Variants in PROC observed in about 807,000 individuals in gnomAD.
PROC encodes the protein vitamin K-dependent protein C.
A neutral mutation model predicts 36.3 loss-of-function variants in PROC; 22 were observed. That is an observed-to-expected ratio of 0.61 (90% CI 0.43 to 0.86). The LOEUF is 0.86. Among genes scored for constraint, PROC ranks in the 40% least tolerant of loss-of-function variants. The probability of loss-of-function intolerance (pLI) is 0.00; values close to 1 mark genes in which losing one functional copy is unlikely to be tolerated. For synonymous variants in PROC, 218 were observed against 244.5 expected (o/e 0.89, Z 1.01); for missense variants, 526 against 629.7 (o/e 0.84, Z 1.76).
rs959910106 is a variant in PROC at position 127,423,427 on chromosome 2, A to G, written c.535+19A>G. ...CCCGCAGGTGAGAAGCCCCCAATAC[A>G]TCGCCCAGGAATCACGCTGGGTGCA... On this transcript the variant is annotated intron_variant, in intron 6 of 8. Coordinates refer to ENST00000234071, the MANE Select transcript of PROC (RefSeq NM_000312.4). The G allele has an allele frequency of 1.3e-6, 2 of 1,545,168 alleles. No individual in the cohort carries two copies. Among genetic ancestry groups the G allele is most frequent in the African/African-American group, 2.8e-5 (2 of 72,594 alleles).
At chr2:127,428,286 T>C in intron 8 of PROC, 71 bp from the exon 9 acceptor site, 1 of 1,444,880 alleles carries the variant, frequency 6.9e-7, no homozygotes, top group South Asian at 1.2e-5. Context: ...CAGCAGTGGG[T>C]GGGCCTCAGG....
Position 127,426,122 on chromosome 2 carries a change from G to A in PROC, c.573G>A (p.Glu191=), listed in dbSNP as rs1330301579. The A allele has an allele frequency of 6.2e-7, 1 of 1,613,502 alleles. No individual in the cohort carries two copies. The highest frequency in any genetic ancestry group is 1.7e-5 in the Admixed American group (1 of 60,024). ...FPCGRPWKRM[E]KKRSHLKRDT... is the part of the protein sequence containing the mutation. ...GTGGGAGGCCCTGGAAGCGGATGGA[G>A]AAGAAGCGCAGTCACCTGAAACGAG... Residue 191 remains glutamate (E), a synonymous_variant, in exon 7 of 9, where the codon GAG becomes GAA. Coordinates refer to ENST00000234071, the MANE Select transcript of PROC (RefSeq NM_000312.4). This position sits in a 1 kb window ranked among gnomAD's most constrained non-coding sequence, Gnocchi z 7.0.
intron 3 of PROC, 35 bp downstream of exon 3, chr2:127,421,484 G>T (rs1306874625): frequency 6.2e-7 from 1 of 1,612,148 alleles, no homozygotes; most frequent in South Asian, 1.1e-5. Flanking sequence ...ATGAGGCTCA[G>T]GGGCGAGCTG....
At chr2:127,422,963 G>C in intron 4 of PROC, 22 bp downstream of exon 4, 1 of 1,608,548 alleles carries the variant, frequency 6.2e-7, no homozygotes, top group Non-Finnish European at 8.5e-7. Flanking sequence ...CTAGATCCCC[G>C]GCTGGACTAC....
intron 6 of PROC, among the ~76,000 whole-genome samples, chr2:127,424,107 A>G (rs1688320874): frequency 6.7e-6 from 1 of 148,324 alleles, no homozygotes; most frequent in African/African-American, 2.5e-5. Context: ...CTCTTTCTGG[A>G]CCTCCCATTA....
chr2:127,424,033 T>C lies in PROC; in HGVS notation c.535+625T>C, dbSNP rs542431365. ...CCCTTTTAATGTGGAAATTCCTATC[T>C]TCTGCCTCTAGGGACATTTATCACT... On this transcript the variant is annotated intron_variant, in intron 6 of 8. Transcript: ENST00000234071. Among the ~76,000 whole-genome samples the C allele has an allele frequency of 3.3e-5, 5 of 152,276 alleles. No homozygotes were observed. The East Asian group carries it at 9.7e-4, about 29-fold the overall frequency.
intron 6 of PROC, 155 bp downstream of exon 6, chr2:127,423,563 C>A: frequency 1.0e-6 from 1 of 988,652 alleles, no homozygotes. Flanking sequence ...CGCCCCAACA[C>A]CGGGGCCACT....
At chr2:127,420,374 C>T (rs1276758891) in intron 2 of PROC, among the ~76,000 whole-genome samples, 2 of 152,184 alleles carry the variant, frequency 1.3e-5, no homozygotes, top group East Asian at 1.9e-4. Flanking sequence ...ACAGCCTCCC[C>T]TACTCAAATG....
intron 3 of PROC, 63 bp downstream of exon 3, chr2:127,421,512 C>T (rs866229735): frequency 1.9e-6 from 3 of 1,590,154 alleles, no homozygotes; most frequent in African/African-American, 2.7e-5. Flanking sequence ...GCAGGGGCCT[C>T]GAGGAGCAGG....
In PROC at chr2:127,427,046, CCTGGA is replaced by C. The variant is rs773737231; in HGVS notation, c.679-53_679-49del. The C allele has an allele frequency of 2.1e-3, 3,002 of 1,456,674 alleles. 6 individuals carry two copies. Among genetic ancestry groups the C allele is most frequent in the Non-Finnish European group, 2.2e-3 (2,234 of 1,037,646 alleles). 90.2% of individuals were successfully genotyped at this position (1,456,674 alleles called of 1,614,324 possible). On this transcript the variant is annotated intron_variant, in intron 7 of 8. Transcript: ENST00000234071. ...GAAAGTGCATATGAAACCCAGGTGCCCTGGACTGGAGGCTGTCAGGAGGCAGCCCT... is the reference window on the plus strand; with the variant it reads ...GAAAGTGCATATGAAACCCAGGTGCCCTGGAGGCTGTCAGGAGGCAGCCCT...
Position 127,426,674 on chromosome 2 carries a change from A to G in PROC, c.679-431A>G, listed in dbSNP as rs568997670. On this transcript the variant is annotated intron_variant, in intron 7 of 8. Transcript: ENST00000234071. This position sits in a 1 kb window ranked among gnomAD's most constrained non-coding sequence, Gnocchi z 7.0. ...GGGAGTATTTGCCCTGGGGACTCAGACTCTGCAAGGGTCAGGACCCCAAAG... is the reference window on the plus strand; with the variant it reads ...GGGAGTATTTGCCCTGGGGACTCAGGCTCTGCAAGGGTCAGGACCCCAAAG... The G allele has an allele frequency of 3.0e-6, 1 of 328,244 alleles. No homozygotes were observed. The highest frequency in any genetic ancestry group is 2.8e-5 in the South Asian group (1 of 35,458). 20.3% of individuals were successfully genotyped at this position (328,244 alleles called of 1,614,324 possible). A position where few individuals can be genotyped will look rare whatever the true frequency, so the allele number is the denominator to read the frequency against.
chr2:127,419,777 C>A, intron 1 of PROC, 145 bp from the exon 2 acceptor site: 1 of 1,516,106 alleles, frequency 6.6e-7, no homozygotes, highest in Non-Finnish European at 8.9e-7. Context: ...GAGGCTATGT[C>A]TCTAGCGAAC....
Position 127,422,938 on chromosome 2 carries a change from G to T in PROC, c.259G>T (p.Val87Phe). ...GCAGCTGGCCTTCTGGTCCAAGCAC[G>T]TCGGTGAGTGCGTTCTAGATCCCCG... ...DDTLAFWSKHVDGDQCLVLPL... is the reference protein window; with the variant it reads ...DDTLAFWSKHFDGDQCLVLPL... The change falls in exon 4 of 9, where the codon GTC (valine) becomes TTC (phenylalanine). Residue 87 changes from valine to phenylalanine, a missense_variant. Coordinates refer to ENST00000234071, the MANE Select transcript of PROC (RefSeq NM_000312.4). The T allele has an allele frequency of 6.3e-7, 1 of 1,592,270 alleles. No homozygotes were observed.
Position 127,428,660 on chromosome 2 carries a change from T to C in PROC, c.1100T>C (p.Val367Ala), listed in dbSNP as rs767730328. Residue 367 changes from valine to alanine, a missense_variant, in exon 9 of 9, where the codon GTG becomes GCG. Val to Ala is a moderately conservative substitution (Grantham distance 64). Transcript: ENST00000234071. ...TFVLNFIKIP[V>A]VPHNECSEVM... ...GTCCTCAACTTCATCAAGATTCCCG[T>C]GGTCCCGCACAATGAGTGCAGCGAG... 1 of 1,614,030 alleles carries C rather than the reference T, an allele frequency of 6.2e-7. No homozygotes were observed. Among genetic ancestry groups the C allele is most frequent in the Non-Finnish European group, 8.5e-7 (1 of 1,180,044 alleles).
In PROC at chr2:127,418,545, C is replaced by G; in HGVS notation, c.-22+53C>G. The G allele has an allele frequency of 1.3e-5, 16 of 1,273,792 alleles. No homozygotes were observed. The highest frequency in any genetic ancestry group is 5.0e-5 in the South Asian group (4 of 80,700). The allele number at this position is 1,273,792 out of a possible 1,614,324, so 78.9% of individuals were successfully genotyped here. A position where few individuals can be genotyped will look rare whatever the true frequency, so the allele number is the denominator to read the frequency against. On this transcript the variant is annotated intron_variant, in intron 1 of 8. Transcript: ENST00000234071. This position sits in a 1 kb window ranked among gnomAD's most constrained non-coding sequence, Gnocchi z 4.8. ...AGGGGTGTGGAGGGAGGGCTGCCCC[C>G]GGGAGAAGAGAGCTAGGTGGTGATG...
chr2:127,427,292 G>A (rs1688570925), intron 8 of PROC, 70 bp downstream of exon 8: 7 of 1,407,092 alleles, frequency 5.0e-6, no homozygotes, highest in Non-Finnish European at 7.0e-6. Context: ...GGCTGTTCAG[G>A]TTTGGGGGAC....
chr2:127,418,634 C>A lies in PROC; in HGVS notation c.-22+142C>A. 1.5e-6 allele frequency: 1 copy of A among 666,204 alleles called. No homozygotes were observed. The highest frequency in any genetic ancestry group is 2.7e-5 in the Admixed American group (1 of 37,640). The allele number at this position is 666,204 out of a possible 1,614,324, so 41.3% of individuals were successfully genotyped here. On this transcript the variant is annotated intron_variant, in intron 1 of 8. Coordinates refer to ENST00000234071, the MANE Select transcript of PROC (RefSeq NM_000312.4). The surrounding 1 kb of genome is among the most constrained non-coding windows in gnomAD (Gnocchi z 4.8). ...AGCTTGGGGTGAAAGGACACAAGGC[C>A]CTCCACAGGCCAGGCCTGGCAGCCA...
At chr2:127,424,007 A>G (rs1688314426) in intron 6 of PROC, among the ~76,000 whole-genome samples, 1 of 151,956 alleles carries the variant, frequency 6.6e-6, no homozygotes, top group Admixed American at 6.6e-5. Flanking sequence ...TAAAAGGTGG[A>G]CCCTTTTAAT....
In PROC at chr2:127,423,308, C is replaced by A; in HGVS notation, c.435C>A (p.Gly145=). Residue 145 remains glycine (G), a synonymous_variant, in exon 6 of 9, where the codon GGC becomes GGA. Coordinates refer to ENST00000234071, the MANE Select transcript of PROC (RefSeq NM_000312.4). ...VSFLNCSLDN[G]GCTHYCLEEV... Reference sequence around the variant, plus strand: ...TCCTCAATTGCTCGCTGGACAACGGCGGCTGCACGCATTACTGCCTAGAGG... The same window carrying A: ...TCCTCAATTGCTCGCTGGACAACGGAGGCTGCACGCATTACTGCCTAGAGG... The A allele has an allele frequency of 6.5e-7, 1 of 1,550,048 alleles. No individual in the cohort carries two copies. Among genetic ancestry groups the A allele is most frequent in the Non-Finnish European group, 8.7e-7 (1 of 1,146,974 alleles).
Sources: allele counts gnomAD v4.1 joint callset (sites outside exome capture counted in the v4.1 genomes callset), GRCh38; gene constraint gnomAD v4.1.1; non-coding constraint Gnocchi (gnomAD v3.1); transcripts MANE v1.5; gene names NCBI Gene and HGNC (gene_info 2026-07-23, HGNC 2026-07-21).